CNTN4: variants seen among roughly 807,000 people sequenced by gnomAD.
The protein encoded by CNTN4 is contactin-4.
In CNTN4, 77 loss-of-function variants were observed where a neutral mutation model predicts 122.5. The observed-to-expected ratio is 0.63, with a 90% CI of 0.52 to 0.76. The LOEUF (loss-of-function observed/expected upper bound fraction) is 0.76, where lower values mean the gene tolerates loss of function less well. Ranked by LOEUF, CNTN4 falls within the 30% of genes least tolerant of loss-of-function variation. CNTN4 has a pLI of 0.00. For missense variants in CNTN4, 1,256 were observed against 1,259.1 expected (o/e 1.00, Z 0.04); for synonymous variants, 512 against 447.0 (o/e 1.15, Z -1.83).
chr3:2,170,223 G>A (rs1005725452), intron 2 of CNTN4, among the ~76,000 whole-genome samples: 4 of 151,878 alleles, frequency 2.6e-5, no homozygotes, highest in Non-Finnish European at 4.4e-5. Flanking sequence ...GGGAGGCTGA[G>A]GCGGGAGAAT....
intron 4 of CNTN4, among the ~76,000 whole-genome samples, chr3:2,693,710 G>T (rs890229997): frequency 1.6e-4 from 25 of 152,166 alleles, no homozygotes; most frequent in African/African-American, 6.0e-4. Flanking sequence ...TTTTAAATCA[G>T]TTTCTGCTGT....
intron 4 of CNTN4, among the ~76,000 whole-genome samples, chr3:2,641,149 G>T (rs2082880246): frequency 6.6e-6 from 1 of 151,966 alleles, no homozygotes. Context: ...AAAAAGAAAT[G>T]CACCAAACGC....
chr3:2,485,747 G>A (rs2076140053), intron 3 of CNTN4, among the ~76,000 whole-genome samples: 1 of 152,124 alleles, frequency 6.6e-6, no homozygotes, highest in Admixed American at 6.5e-5. Context: ...GTTTGTAAAT[G>A]CACCAATCAG....
At chr3:2,790,422 T>A (rs538029446) in intron 6 of CNTN4, among the ~76,000 whole-genome samples, 1 of 152,318 alleles carries the variant, frequency 6.6e-6, no homozygotes, top group Non-Finnish European at 1.5e-5. Context: ...TTCTGAAAGA[T>A]CTTCAGGGAT....
intron 4 of CNTN4, among the ~76,000 whole-genome samples, chr3:2,572,191 A>G (rs2079452619): frequency 6.6e-6 from 1 of 152,196 alleles, no homozygotes; most frequent in Non-Finnish European, 1.5e-5. Context: ...AGTTCAGACC[A>G]GCCTGAGTAA....
chr3:2,669,763 A>T (rs1180863873), intron 4 of CNTN4, among the ~76,000 whole-genome samples: 2 of 152,116 alleles, frequency 1.3e-5, no homozygotes, highest in Non-Finnish European at 2.9e-5. Flanking sequence ...CACTCCTTTA[A>T]ATGTGTCCCA....
intron 4 of CNTN4, among the ~76,000 whole-genome samples, chr3:2,677,535 G>C (rs981670567): frequency 6.9e-6 from 1 of 144,120 alleles, no homozygotes; most frequent in Non-Finnish European, 1.5e-5. Context: ...TAGAGAGAAA[G>C]AGCACACACT....
At chr3:2,350,593 G>C (rs1258072083) in intron 3 of CNTN4, among the ~76,000 whole-genome samples, 2 of 152,110 alleles carry the variant, frequency 1.3e-5, no homozygotes, top group African/African-American at 4.8e-5. Context: ...TAGAATTCTA[G>C]GAGTGGTTCT....
At chr3:2,388,727 C>G (rs971390648) in intron 3 of CNTN4, among the ~76,000 whole-genome samples, 3 of 152,122 alleles carry the variant, frequency 2.0e-5, no homozygotes, top group African/African-American at 7.2e-5. Context: ...CATCTGCAAT[C>G]CCAGCTACTT....
At chr3:2,813,641 T>A (rs1022752497) in intron 6 of CNTN4, among the ~76,000 whole-genome samples, 1 of 152,210 alleles carries the variant, frequency 6.6e-6, no homozygotes, top group Non-Finnish European at 1.5e-5. Context: ...ATATGTGTAA[T>A]GGCTAGTCCA....
chr3:2,421,537 C>T (rs1227191229), intron 3 of CNTN4, among the ~76,000 whole-genome samples: 2 of 152,162 alleles, frequency 1.3e-5, no homozygotes, highest in Non-Finnish European at 2.9e-5. Flanking sequence ...CAGATGTTAG[C>T]CACCGCTCCC....
chr3:2,310,902 A>C (rs1278340480), intron 2 of CNTN4, among the ~76,000 whole-genome samples: 3 of 152,150 alleles, frequency 2.0e-5, no homozygotes, highest in Non-Finnish European at 4.4e-5. Context: ...AATGATAGCT[A>C]TTCAACCTGT....
At chr3:2,871,842 A>G (rs2093788013) in intron 8 of CNTN4, among the ~76,000 whole-genome samples, 1 of 152,212 alleles carries the variant, frequency 6.6e-6, no homozygotes, top group African/African-American at 2.4e-5. Context: ...TGCAGTATTC[A>G]CTTCTGGGAC....
chr3:2,353,772 G>A (rs953743815), intron 3 of CNTN4, among the ~76,000 whole-genome samples: 10 of 152,130 alleles, frequency 6.6e-5, no homozygotes, highest in African/African-American at 2.2e-4. Context: ...GGTGGCGGGC[G>A]CCTGTGGTCC....
chr3:2,513,666 C>G (rs960256948), intron 3 of CNTN4, among the ~76,000 whole-genome samples: 1 of 152,132 alleles, frequency 6.6e-6, no homozygotes, highest in Non-Finnish European at 1.5e-5. Context: ...TAGTCAGTCA[C>G]CACAAATCTC....
chr3:2,344,477 A>G (rs962992970), intron 3 of CNTN4, among the ~76,000 whole-genome samples: 1 of 151,834 alleles, frequency 6.6e-6, no homozygotes, highest in African/African-American at 2.4e-5. Context: ...ATGGGGTTTC[A>G]CTATGTTGGC....
At chr3:2,923,584 T>A (rs772450360) in intron 12 of CNTN4, among the ~76,000 whole-genome samples, 2 of 152,198 alleles carry the variant, frequency 1.3e-5, no homozygotes, top group Non-Finnish European at 2.9e-5. Context: ...TGGTGCAGTG[T>A]GGCCACGTAC....
chr3:2,113,025 T>C lies in CNTN4; in HGVS notation c.-145+12386T>C, dbSNP rs544131055. 5.9e-5 allele frequency among the ~76,000 whole-genome samples: 9 copies of C among 152,280 alleles called. No homozygotes were observed. In the South Asian group the frequency reaches 1.7e-3, roughly 28 times the overall value. On this transcript the variant is annotated intron_variant, in intron 2 of 24. Transcript: ENST00000418658. ...AAGTATTCATGGAAGGCCTAAAATA[T>C]ATACTTTCAATGGAAAGGATGGTAG... is the stretch of plus-strand genomic sequence containing the variant.
intron 15 of CNTN4, among the ~76,000 whole-genome samples, chr3:3,030,441 C>T (rs753558331): frequency 2.6e-5 from 4 of 152,158 alleles, no homozygotes; most frequent in Non-Finnish European, 5.9e-5. Flanking sequence ...CAGATACTTC[C>T]AAATGTGGGC....
Sources: allele counts gnomAD v4.1 joint callset (sites outside exome capture counted in the v4.1 genomes callset), GRCh38; gene constraint gnomAD v4.1.1; transcripts MANE v1.5; gene names NCBI Gene and HGNC (gene_info 2026-07-23, HGNC 2026-07-21).